The following TRIM11 variants were observed in gnomAD, a reference collection of about 807,000 sequenced individuals.
TRIM11 encodes the protein E3 ubiquitin-protein ligase TRIM11.
In TRIM11, 15 loss-of-function variants were observed where a neutral mutation model predicts 33.4. That is an observed-to-expected ratio of 0.45 (90% confidence interval 0.30 to 0.69). The LOEUF (loss-of-function observed/expected upper bound fraction) is 0.69, where lower values mean the gene tolerates loss of function less well. TRIM11 is among the 30% of genes least tolerant of loss of function. TRIM11 has a pLI of 0.08. For synonymous variants in TRIM11, 281 were observed against 302.6 expected, an observed-to-expected ratio of 0.93 and a Z score of 0.74; for missense variants, 499 against 667.6, an observed-to-expected ratio of 0.75 and a Z score of 2.78.
intron 3 of TRIM11, chr1:228,397,574 G>A (rs2074997265): frequency 1.0e-5 from 2 of 196,252 alleles, no homozygotes; most frequent in South Asian, 2.7e-4. Flanking sequence ...CCCTGTGGTT[G>A]CACTGCTTCC....
intron 3 of TRIM11, 187 bp from the exon 4 acceptor site, chr1:228,397,352 G>C (rs2074995747): frequency 3.0e-6 from 2 of 664,278 alleles, no homozygotes; most frequent in Admixed American, 2.9e-5. Context: ...CTGGACAGAG[G>C]CTCTGACATG....
Position 228,396,675 on chromosome 1 carries a change from T to C in TRIM11, c.859+272A>G, listed in dbSNP as rs147919631. On this transcript the variant is annotated intron_variant, in intron 5 of 5. Coordinates refer to ENST00000284551, the MANE Select transcript of TRIM11 (RefSeq NM_145214.3). ...AATCTGTGGGGTCTGTACTAACTCCTGTAGTGTCAGCACTGGCAATTCTGT... is the reference window on the plus strand; with the variant it reads ...AATCTGTGGGGTCTGTACTAACTCCCGTAGTGTCAGCACTGGCAATTCTGT... 19 of 717,394 alleles carry C rather than the reference T, an allele frequency of 2.6e-5. No individual in the cohort carries two copies. In the African/African-American group the frequency reaches 3.3e-4, roughly 12 times the overall value. 44.4% of individuals were successfully genotyped at this position (717,394 alleles called of 1,614,324 possible). A position where few individuals can be genotyped will look rare whatever the true frequency, so the allele number is the denominator to read the frequency against.
In TRIM11 at chr1:228,395,101, G is replaced by A; in HGVS notation, c.1011C>T (p.Phe337=). ...PGPCVLGQER[F]TSGRHYWEVE... is the part of the protein sequence containing the mutation. ...CCTCCCAGTAGTGGCGGCCTGAGGTGAAGCGCTCCTGGCCCAGCACGCAGG... is the reference window on the plus strand; with the variant it reads ...CCTCCCAGTAGTGGCGGCCTGAGGTAAAGCGCTCCTGGCCCAGCACGCAGG... Residue 337 remains phenylalanine (F), a synonymous_variant, in exon 6 of 6, where the codon TTC becomes TTT. Transcript: ENST00000284551. The surrounding 1 kb of genome is among the most constrained non-coding windows in gnomAD (Gnocchi z 4.8). 1 of 1,600,034 alleles carries A rather than the reference G, an allele frequency of 6.2e-7. No individual in the cohort carries two copies. The highest frequency in any genetic ancestry group is 8.5e-7 in the Non-Finnish European group (1 of 1,173,784).
chr1:228,406,160 G>A lies in TRIM11; in HGVS notation c.402C>T (p.Asp134=). The change falls in exon 1 of 6, where the codon GAC becomes GAT. Residue 134 remains aspartate, a synonymous_variant. Coordinates refer to ENST00000284551, the MANE Select transcript of TRIM11 (RefSeq NM_145214.3). This position sits in a 1 kb window ranked among gnomAD's most constrained non-coding sequence, Gnocchi z 8.2. ...RVRPLQDAAE[D]LKAKLEKSLE... ...CACCCCCGCCCAGGAGCACCTTGAG[G>A]TCTTCGGCCGCGTCCTGCAGCGGCC... is the stretch of plus-strand genomic sequence containing the variant. 1.4e-6 allele frequency: 2 copies of A among 1,403,738 alleles called. No individual in the cohort carries two copies. The highest frequency in any genetic ancestry group is 1.8e-6 in the Non-Finnish European group (2 of 1,086,972). The allele number at this position is 1,403,738 out of a possible 1,614,324, so 87.0% of individuals were successfully genotyped here. A position where few individuals can be genotyped will look rare whatever the true frequency, so the allele number is the denominator to read the frequency against.
chr1:228,402,376 C>T (rs559373280), intron 1 of TRIM11: 1 of 471,482 alleles, frequency 2.1e-6, no homozygotes, highest in African/African-American at 2.0e-5. Flanking sequence ...CACATTCTTT[C>T]CTTTTTCTCA....
Position 228,406,138 on chromosome 1 carries a change from C to G in TRIM11, c.408+16G>C, listed in dbSNP as rs1656406790. 1.5e-6 allele frequency: 2 copies of G among 1,362,368 alleles called. No individual in the cohort carries two copies. Among genetic ancestry groups the G allele is most frequent in the Non-Finnish European group, 1.9e-6 (2 of 1,063,830 alleles). 84.4% of individuals were successfully genotyped at this position (1,362,368 alleles called of 1,614,324 possible). ...GCTCCCCGACGCCCCTGCACGCCACCCCCGCCCAGGAGCACCTTGAGGTCT... is the reference window on the plus strand; with the variant it reads ...GCTCCCCGACGCCCCTGCACGCCACGCCCGCCCAGGAGCACCTTGAGGTCT... On this transcript the variant is annotated intron_variant, in intron 1 of 5. Coordinates refer to ENST00000284551, the MANE Select transcript of TRIM11 (RefSeq NM_145214.3). This position sits in a 1 kb window ranked among gnomAD's most constrained non-coding sequence, Gnocchi z 8.2.
chr1:228,397,205 C>T (rs765714053), intron 3 of TRIM11, 40 bp from the exon 4 acceptor site: 2 of 1,601,762 alleles, frequency 1.2e-6, no homozygotes, highest in South Asian at 2.2e-5. Flanking sequence ...GTGTCAGTGA[C>T]CATCGCTTGC....
intron 3 of TRIM11, among the ~76,000 whole-genome samples, chr1:228,399,891 C>CAAAAAAA (rs58986540): frequency 1.1e-5 from 1 of 92,736 alleles, no homozygotes; most frequent in Non-Finnish European, 2.4e-5. Flanking sequence ...AAAAAAAAAA[C>CAAAAAAA]AAAAAAAAAA....
chr1:228,400,985 C>G lies in TRIM11; in HGVS notation c.714G>C (p.Leu238=). The G allele has an allele frequency of 6.3e-7, 1 of 1,585,268 alleles. No individual in the cohort carries two copies. Among genetic ancestry groups the G allele is most frequent in the East Asian group, 2.3e-5 (1 of 44,034 alleles). Residue 238 remains leucine, a synonymous_variant, in exon 3 of 6, where the codon CTG becomes CTC. Coordinates refer to ENST00000284551, the MANE Select transcript of TRIM11 (RefSeq NM_145214.3). This position sits in a 1 kb window ranked among gnomAD's most constrained non-coding sequence, Gnocchi z 4.5. ...TCACCTGCAGCAGCCCCAGAGCAGG[C>G]AGCTGGCAGCGGCCCTCGAGCTCGG... ...LIAELEGRCQ[L]PALGLLQDIK... is the part of the protein sequence containing the mutation.
Position 228,406,366 on chromosome 1 carries a change from G to A in TRIM11, c.196C>T (p.Arg66Trp). 1 of 1,508,700 alleles carries A rather than the reference G, an allele frequency of 6.6e-7. No individual in the cohort carries two copies. The highest frequency in any genetic ancestry group is 2.7e-5 in the East Asian group (1 of 37,186). 93.5% of individuals were successfully genotyped at this position (1,508,700 alleles called of 1,614,324 possible). The change falls in exon 1 of 6, where the codon CGG becomes TGG. Residue 66 changes from arginine to tryptophan, a missense_variant. Coordinates refer to ENST00000284551, the MANE Select transcript of TRIM11 (RefSeq NM_145214.3). The surrounding 1 kb of genome is among the most constrained non-coding windows in gnomAD (Gnocchi z 8.2). ...CRELSPQRNL[R>W]PNRPLAKMAE... ...ATCTTAGCAAGCGGGCGGTTGGGCC[G>A]CAGGTTCCTCTGCGGGGACAGCTCG...
Position 228,403,393 on chromosome 1 carries a change from T to G in TRIM11, c.409-1232A>C, listed in dbSNP as rs1656298085. 6.6e-6 allele frequency: 1 copy of G among 151,938 alleles called. No individual in the cohort carries two copies. Among genetic ancestry groups the G allele is most frequent in the African/African-American group, 2.4e-5 (1 of 41,108 alleles). 9.4% of individuals were successfully genotyped at this position (151,938 alleles called of 1,614,324 possible). ...GCCTGGCTCCAGGTGCTCACTTTAGTTCACCACTTGGCCTCACGATTCGGG... is the reference window on the plus strand; with the variant it reads ...GCCTGGCTCCAGGTGCTCACTTTAGGTCACCACTTGGCCTCACGATTCGGG... On this transcript the variant is annotated intron_variant, in intron 1 of 5. Transcript: ENST00000284551. This position sits in a 1 kb window ranked among gnomAD's most constrained non-coding sequence, Gnocchi z 4.8.
In TRIM11 at chr1:228,401,674, C is replaced by A. The variant is rs1656230036; in HGVS notation, c.504+392G>T. On this transcript the variant is annotated intron_variant, in intron 2 of 5. Coordinates refer to ENST00000284551, the MANE Select transcript of TRIM11 (RefSeq NM_145214.3). The surrounding 1 kb of genome is among the most constrained non-coding windows in gnomAD (Gnocchi z 6.1). ...TCCCAAATCCACCACCCAGAGCCTC[C>A]CAGACCCCAAATCTACCCCAGAACT... is the stretch of plus-strand genomic sequence containing the variant. 1.3e-5 allele frequency among the ~76,000 whole-genome samples: 2 copies of A among 152,104 alleles called. No homozygotes were observed. The highest frequency in any genetic ancestry group is 2.9e-5 in the Non-Finnish European group (2 of 68,000).
chr1:228,406,411 A>T lies in TRIM11; in HGVS notation c.151T>A (p.Tyr51Asn). 1 of 1,574,816 alleles carries T rather than the reference A, an allele frequency of 6.3e-7. No homozygotes were observed. Among genetic ancestry groups the T allele is most frequent in the South Asian group, 1.1e-5 (1 of 87,556 alleles). Residue 51 changes from tyrosine (Y) to asparagine (N), a missense_variant, in exon 1 of 6, where the codon TAC (tyrosine) becomes AAC (asparagine). Tyr to Asn is a moderately radical substitution (Grantham distance 143). Transcript: ENST00000284551. This position sits in a 1 kb window ranked among gnomAD's most constrained non-coding sequence, Gnocchi z 8.2. ...AGCTCGCGGCACTCGGGGCACGCGT[A>T]CGGGCCCTCGGGCTGGCCCCAGCAG... ...RRCWGQPEGPYACPECRELSP... is the reference protein window; with the variant it reads ...RRCWGQPEGPNACPECRELSP...
rs1656405281 is a variant in TRIM11, at chr1:228,406,109, C to T, written c.408+45G>A. Reference sequence around the variant, plus strand: ...CCCACCCGCCCAGGCCTCCCCAGTCCCCGGCTCCCCGACGCCCCTGCACGC... The same window carrying T: ...CCCACCCGCCCAGGCCTCCCCAGTCTCCGGCTCCCCGACGCCCCTGCACGC... On this transcript the variant is annotated intron_variant, in intron 1 of 5. Coordinates refer to ENST00000284551, the MANE Select transcript of TRIM11 (RefSeq NM_145214.3). The surrounding 1 kb of genome is among the most constrained non-coding windows in gnomAD (Gnocchi z 8.2). 2 of 1,342,248 alleles carry T rather than the reference C, an allele frequency of 1.5e-6. No individual in the cohort carries two copies. Among genetic ancestry groups the T allele is most frequent in the East Asian group, 3.1e-5 (1 of 32,436 alleles). The allele number at this position is 1,342,248 out of a possible 1,614,324, so 83.1% of individuals were successfully genotyped here. A position where few individuals can be genotyped will look rare whatever the true frequency, so the allele number is the denominator to read the frequency against.
chr1:228,406,575 G>A lies in TRIM11; in HGVS notation c.-14C>T, dbSNP rs767877309. ...GGGGGCGGCCATGGCGCGGACAGAG[G>A]GGAGGAAGGCGGTACTGTCCGCGGG... On this transcript the variant is annotated 5_prime_UTR_variant, in exon 1 of 6. Coordinates refer to ENST00000284551, the MANE Select transcript of TRIM11 (RefSeq NM_145214.3). The surrounding 1 kb of genome is among the most constrained non-coding windows in gnomAD (Gnocchi z 8.2). 2.1e-5 allele frequency: 31 copies of A among 1,499,200 alleles called. No homozygotes were observed. The highest frequency in any genetic ancestry group is 1.9e-4 in the Middle Eastern group (1 of 5,264). 92.9% of individuals were successfully genotyped at this position (1,499,200 alleles called of 1,614,324 possible).
In TRIM11 at chr1:228,401,973, G is replaced by T; in HGVS notation, c.504+93C>A. Reference sequence around the variant, plus strand: ...ACTGGTCCTGGGGCGCCAAGGGCAAGTGTGCCTGGCCAGCATCGCCCCCTG... The same window carrying T: ...ACTGGTCCTGGGGCGCCAAGGGCAATTGTGCCTGGCCAGCATCGCCCCCTG... On this transcript the variant is annotated intron_variant, in intron 2 of 5. Transcript: ENST00000284551. This position sits in a 1 kb window ranked among gnomAD's most constrained non-coding sequence, Gnocchi z 6.1. 2.0e-6 allele frequency: 2 copies of T among 1,016,322 alleles called. No individual in the cohort carries two copies. Among genetic ancestry groups the T allele is most frequent in the Non-Finnish European group, 2.8e-6 (2 of 709,520 alleles). The allele number at this position is 1,016,322 out of a possible 1,614,324, so 63.0% of individuals were successfully genotyped here. A position where few individuals can be genotyped will look rare whatever the true frequency, so the allele number is the denominator to read the frequency against.
Position 228,395,519 on chromosome 1 carries a change from T to C in TRIM11, c.860-267A>G. The C allele has an allele frequency of 5.0e-6, 1 of 199,346 alleles. No individual in the cohort carries two copies. The highest frequency in any genetic ancestry group is 9.9e-6 in the Non-Finnish European group (1 of 101,166). 12.3% of individuals were successfully genotyped at this position (199,346 alleles called of 1,614,324 possible). ...ATATCAAGAGGGAATCTTGGTTGCT[T>C]TTTTTTTTTTTTTTAAAGAGGCAGG... is the stretch of plus-strand genomic sequence containing the variant. On this transcript the variant is annotated intron_variant, in intron 5 of 5. Coordinates refer to ENST00000284551, the MANE Select transcript of TRIM11 (RefSeq NM_145214.3). This position sits in a 1 kb window ranked among gnomAD's most constrained non-coding sequence, Gnocchi z 4.8.
rs772788243 is a variant in TRIM11, at chr1:228,395,192, C to T, written c.920G>A (p.Arg307Gln). 3.6e-5 allele frequency: 54 copies of T among 1,502,498 alleles called. No individual in the cohort carries two copies. Among genetic ancestry groups the T allele is most frequent in the Admixed American group, 2.1e-4 (9 of 43,154 alleles). The allele number at this position is 1,502,498 out of a possible 1,614,324, so 93.1% of individuals were successfully genotyped here. A position where few individuals can be genotyped will look rare whatever the true frequency, so the allele number is the denominator to read the frequency against. Residue 307 changes from arginine to glutamine, a missense_variant, in exon 6 of 6, where the codon CGG (arginine) becomes CAG (glutamine). Coordinates refer to ENST00000284551, the MANE Select transcript of TRIM11 (RefSeq NM_145214.3). The surrounding 1 kb of genome is among the most constrained non-coding windows in gnomAD (Gnocchi z 4.8). Reference protein sequence around the residue: ...NPELILSEDRRSVQRGDLRQA... With the variant: ...NPELILSEDRQSVQRGDLRQA... ...CCGTAGGTCCCCCCGCTGCACGCTC[C>T]GCCTGTCTTCAGACAGGATCAGCTC...
At position 228,395,245 on chromosome 1, in the gene TRIM11, C is replaced by T. The variant is rs754004417; in HGVS notation, c.867G>A (p.Val289=). The change falls in exon 6 of 6, where the codon GTG becomes GTA. Residue 289 remains valine (V), a synonymous_variant. Coordinates refer to ENST00000284551, the MANE Select transcript of TRIM11 (RefSeq NM_145214.3). This position sits in a 1 kb window ranked among gnomAD's most constrained non-coding sequence, Gnocchi z 4.8. The part of the protein sequence containing the change: ...VETLRRFRGD[V]TLDPDTANPE... ...GGTTGGCGGTGTCCGGGTCCAAGGT[C>T]ACGTCCCCTGCAGAGAGAGGCCCAA... 6.8e-7 allele frequency: 1 copy of T among 1,463,782 alleles called. No homozygotes were observed. The highest frequency in any genetic ancestry group is 9.0e-7 in the Non-Finnish European group (1 of 1,113,034). 90.7% of individuals were successfully genotyped at this position (1,463,782 alleles called of 1,614,324 possible).
Sources: gnomAD v4.1 joint callset for allele counts (sites outside exome capture counted in the v4.1 genomes callset) on GRCh38, gnomAD v4.1.1 for gene constraint, Gnocchi (gnomAD v3.1) non-coding constraint, MANE v1.5 for transcripts, NCBI Gene and HGNC (gene_info 2026-07-23, HGNC 2026-07-21) for gene names.